Variants in LRRC4C observed in about 807,000 individuals in gnomAD.
LRRC4C encodes the protein leucine rich repeat containing 4C, also known as leucine-rich repeat-containing protein 4C.
A neutral mutation model predicts 33.6 loss-of-function variants in LRRC4C; 5 were observed. The observed-to-expected ratio is 0.15, with a 90% CI of 0.08 to 0.31. LRRC4C has a LOEUF of 0.31. Ranked by LOEUF, LRRC4C falls within the 10% of genes least tolerant of loss-of-function variation. The probability of loss-of-function intolerance (pLI) is 1.00; values close to 1 mark genes in which losing one functional copy is unlikely to be tolerated. For synonymous variants in LRRC4C, 329 were observed against 302.0 expected, an observed-to-expected ratio of 1.09 and a Z score of -0.93; for missense variants, 560 against 796.7, an observed-to-expected ratio of 0.70 and a Z score of 3.58.
At chr11:40,451,736 A>G (rs1231698668) in intron 3 of LRRC4C, among the ~76,000 whole-genome samples, 1 of 152,106 alleles carries the variant, frequency 6.6e-6, no homozygotes, top group Non-Finnish European at 1.5e-5. Context: ...ACTAATTAGA[A>G]TACTTAGATG....
intron 5 of LRRC4C, among the ~76,000 whole-genome samples, chr11:40,234,256 TCA>T (rs1427437050): frequency 6.6e-6 from 1 of 152,220 alleles, no homozygotes; most frequent in East Asian, 1.9e-4. Context: ...TAGAATTCTC[TCA>T]TTTAGTCTTC....
chr11:40,779,515 T>C (rs1175506357), intron 2 of LRRC4C, among the ~76,000 whole-genome samples: 2 of 152,230 alleles, frequency 1.3e-5, no homozygotes, highest in African/African-American at 4.8e-5. Flanking sequence ...TTTCTTATAT[T>C]ACCCAGTCCT....
chr11:40,371,477 T>C (rs1189818690), intron 3 of LRRC4C, among the ~76,000 whole-genome samples: 2 of 152,192 alleles, frequency 1.3e-5, no homozygotes, highest in African/African-American at 4.8e-5. Flanking sequence ...TACTACAACT[T>C]CACAAATGCC....
chr11:41,395,646 G>A, intron 1 of LRRC4C, among the ~76,000 whole-genome samples: 1 of 151,800 alleles, frequency 6.6e-6, no homozygotes, highest in African/African-American at 2.4e-5. Flanking sequence ...TCAAGATCAA[G>A]GAATTGCAAG....
intron 2 of LRRC4C, among the ~76,000 whole-genome samples, chr11:40,860,388 GT>G (rs1954027042): frequency 1.2e-4 from 1 of 8,456 alleles, no homozygotes; most frequent in Non-Finnish European, 6.7e-4. Flanking sequence ...AAATTAAGAT[GT>G]CAGTGGAAAC....
At chr11:40,665,901 G>A (rs1354000945) in intron 2 of LRRC4C, among the ~76,000 whole-genome samples, 3 of 151,826 alleles carry the variant, frequency 2.0e-5, no homozygotes, top group African/African-American at 7.3e-5. Flanking sequence ...ACAATATATG[G>A]CAGAAAATGT....
At chr11:41,436,026 A>G (rs1302124431) in intron 1 of LRRC4C, among the ~76,000 whole-genome samples, 1 of 152,166 alleles carries the variant, frequency 6.6e-6, no homozygotes, top group Non-Finnish European at 1.5e-5. Flanking sequence ...CAATATGGTG[A>G]AACCTTGTCT....
At chr11:40,604,239 T>G (rs1025309593) in intron 3 of LRRC4C, among the ~76,000 whole-genome samples, 26 of 152,300 alleles carry the variant, frequency 1.7e-4, no homozygotes, top group South Asian at 6.2e-4. Flanking sequence ...TCCAGTATGA[T>G]AGCTTTCAAA....
At chr11:40,272,443 G>A (rs1025397066) in intron 4 of LRRC4C, among the ~76,000 whole-genome samples, 1 of 151,956 alleles carries the variant, frequency 6.6e-6, no homozygotes, top group African/African-American at 2.4e-5. Context: ...CTGGCATTGT[G>A]GATACTCCAT....
chr11:41,269,124 A>G (rs963283949), intron 1 of LRRC4C, among the ~76,000 whole-genome samples: 1 of 152,116 alleles, frequency 6.6e-6, no homozygotes, highest in African/African-American at 2.4e-5. Flanking sequence ...AGATAAAACA[A>G]TATCTAAGTG....
chr11:40,767,514 G>A (rs1040942286), intron 2 of LRRC4C, among the ~76,000 whole-genome samples: 3 of 151,940 alleles, frequency 2.0e-5, no homozygotes, highest in Non-Finnish European at 4.4e-5. Context: ...ATTAGCTGAG[G>A]AATATACATA....
At chr11:40,314,142 C>A (rs989496181) in intron 4 of LRRC4C, among the ~76,000 whole-genome samples, 9 of 151,802 alleles carry the variant, frequency 5.9e-5, no homozygotes, top group Middle Eastern at 3.4e-3. Context: ...AAAAAGAGCT[C>A]AAACATCCTG....
At chr11:40,217,975 G>A (rs1253137273) in intron 5 of LRRC4C, among the ~76,000 whole-genome samples, 4 of 152,016 alleles carry the variant, frequency 2.6e-5, no homozygotes, top group African/African-American at 4.8e-5. Flanking sequence ...AATCAGATTC[G>A]TTTTAAAAAT....
intron 5 of LRRC4C, among the ~76,000 whole-genome samples, chr11:40,179,675 A>C (rs967760276): frequency 1.3e-5 from 2 of 152,184 alleles, no homozygotes; most frequent in Non-Finnish European, 2.9e-5. Flanking sequence ...TGCCTTGGAA[A>C]TGTCAGTTAA....
At chr11:40,781,457 A>T (rs1003893626) in intron 2 of LRRC4C, among the ~76,000 whole-genome samples, 2 of 152,148 alleles carry the variant, frequency 1.3e-5, no homozygotes, top group African/African-American at 4.8e-5. Flanking sequence ...ATAGCACAAC[A>T]TTCTGTGTTA....
intron 1 of LRRC4C, among the ~76,000 whole-genome samples, chr11:41,000,940 T>C (rs932253747): frequency 6.6e-6 from 1 of 152,178 alleles, no homozygotes; most frequent in Non-Finnish European, 1.5e-5. Context: ...TTAACATTTA[T>C]TGAGCAATTA....
intron 1 of LRRC4C, among the ~76,000 whole-genome samples, chr11:41,173,254 C>T (rs915980126): frequency 6.6e-6 from 1 of 152,044 alleles, no homozygotes; most frequent in African/African-American, 2.4e-5. Flanking sequence ...AGGACTAACC[C>T]GCAGCTCTTT....
Position 41,297,644 on chromosome 11 carries a change from G to T in LRRC4C, c.-496+161787C>A, listed in dbSNP as rs572704022. Among the ~76,000 whole-genome samples, 3 of 152,082 alleles carry T rather than the reference G, an allele frequency of 2.0e-5. No individual in the cohort carries two copies. The South Asian group carries it at 6.2e-4, about 32-fold the overall frequency. On this transcript the variant is annotated intron_variant, in intron 1 of 6. Coordinates refer to ENST00000528697, the MANE Select transcript of LRRC4C (RefSeq NM_001258419.2). ...GTATATTAACCACATTTCTACTAAC[G>T]ATAAATGGAAAATACTCTCTGCCTG... is the stretch of plus-strand genomic sequence containing the variant.
chr11:40,437,640 C>T (rs1402665987), intron 3 of LRRC4C, among the ~76,000 whole-genome samples: 3 of 152,102 alleles, frequency 2.0e-5, no homozygotes, highest in Middle Eastern at 3.4e-3. Flanking sequence ...GTGATCCACA[C>T]GCCTCGACCT....
Sources: gnomAD v4.1 joint callset for allele counts (sites outside exome capture counted in the v4.1 genomes callset) on GRCh38, gnomAD v4.1.1 for gene constraint, MANE v1.5 for transcripts, NCBI Gene and HGNC (gene_info 2026-07-23, HGNC 2026-07-21) for gene names.